Variants in COL7A1 observed in about 807,000 individuals in gnomAD.
COL7A1 encodes collagen alpha-1(VII) chain.
Under a neutral mutation model 456.2 loss-of-function variants are expected in COL7A1, and 296 were observed. The observed-to-expected ratio is 0.65, with a 90% CI of 0.59 to 0.71. The LOEUF (loss-of-function observed/expected upper bound fraction) is 0.71, where lower values mean the gene tolerates loss of function less well. Among genes scored for constraint, COL7A1 ranks in the 30% least tolerant of loss-of-function variants. COL7A1 has a pLI of 0.00. For synonymous variants in COL7A1, 1,464 were observed against 1,525.9 expected (o/e 0.96, Z 0.95); for missense variants, 3,441 against 4,017.2 (o/e 0.86, Z 3.88).
rs1442543217 is a variant in COL7A1, at chr3:48,570,631, C to T, written c.7344+8G>A. The T allele has an allele frequency of 6.2e-7, 1 of 1,606,452 alleles. No homozygotes were observed. The highest frequency in any genetic ancestry group is 8.5e-7 in the Non-Finnish European group (1 of 1,176,094). ...AAATACGTGGGGCTTTAGGGCACCT[C>T]TACTCACCACTGACCCCGGTGGTCC... On this transcript the variant is annotated splice_region_variant and intron_variant, in intron 96 of 118. Transcript: ENST00000681320. The surrounding 1 kb of genome is among the most constrained non-coding windows in gnomAD (Gnocchi z 5.5).
Position 48,586,460 on chromosome 3 carries a change from G to A in COL7A1, c.3422C>T (p.Ala1141Val). ...GNNLGTAVVT[A>V]HRYMLAPDAP... is the part of the protein sequence containing the mutation. ...ATCTGGTGCCAACATGTATCTGTGAGCTGTGACCACGGCTGTGCCTGGAAG... is the reference window on the plus strand; with the variant it reads ...ATCTGGTGCCAACATGTATCTGTGAACTGTGACCACGGCTGTGCCTGGAAG... Residue 1141 changes from alanine (A) to valine (V), a missense_variant, in exon 27 of 119, where the codon GCT (alanine) becomes GTT (valine). Transcript: ENST00000681320. This position sits in a 1 kb window ranked among gnomAD's most constrained non-coding sequence, Gnocchi z 5.1. 3 of 1,613,816 alleles carry A rather than the reference G, an allele frequency of 1.9e-6. No individual in the cohort carries two copies. The highest frequency in any genetic ancestry group is 2.5e-6 in the Non-Finnish European group (3 of 1,180,026).
chr3:48,589,193 A>G (rs2045514763), intron 18 of COL7A1, 134 bp downstream of exon 18: 5 of 1,466,324 alleles, frequency 3.4e-6, no homozygotes, highest in Non-Finnish European at 4.7e-6. Context: ...TGGACACTTA[A>G]TCAGTGTGGG....
At position 48,592,531 on chromosome 3, in the gene COL7A1, G is replaced by T; in HGVS notation, c.976+39C>A. On this transcript the variant is annotated intron_variant, in intron 8 of 118. Transcript: ENST00000681320. This position sits in a 1 kb window ranked among gnomAD's most constrained non-coding sequence, Gnocchi z 7.6. ...GTGGGAGGGGGTACTGGGGTCGGGG[G>T]TTAGGTGAATGGGGTCAGAGGCTGG... The T allele has an allele frequency of 6.2e-7, 1 of 1,613,618 alleles. No homozygotes were observed. The highest frequency in any genetic ancestry group is 8.5e-7 in the Non-Finnish European group (1 of 1,179,974).
Position 48,579,932 on chromosome 3 carries a change from G to T in COL7A1, c.5124+99C>A. On this transcript the variant is annotated intron_variant, in intron 57 of 118. Transcript: ENST00000681320. This position sits in a 1 kb window ranked among gnomAD's most constrained non-coding sequence, Gnocchi z 4.4. Reference sequence around the variant, plus strand: ...CGCGGAGGTTTCAGAGGGACAGTGGGGGAAGTGGGAGTTAGTGGAAGGAAT... The same window carrying T: ...CGCGGAGGTTTCAGAGGGACAGTGGTGGAAGTGGGAGTTAGTGGAAGGAAT... 1 of 1,605,872 alleles carries T rather than the reference G, an allele frequency of 6.2e-7. No individual in the cohort carries two copies. The highest frequency in any genetic ancestry group is 8.5e-7 in the Non-Finnish European group (1 of 1,172,582).
At position 48,574,777 on chromosome 3, in the gene COL7A1, A is replaced by T; in HGVS notation, c.6348+20T>A. On this transcript the variant is annotated intron_variant, in intron 77 of 118. Coordinates refer to ENST00000681320, the MANE Select transcript of COL7A1 (RefSeq NM_000094.4). The surrounding 1 kb of genome is among the most constrained non-coding windows in gnomAD (Gnocchi z 5.0). ...AGTGCCATGGCAGAGGGTGGCCCCG[A>T]GCTGATTCCACACACTGACCTTAGC... is the stretch of plus-strand genomic sequence containing the variant. 6.2e-7 allele frequency: 1 copy of T among 1,613,944 alleles called. No individual in the cohort carries two copies. The highest frequency in any genetic ancestry group is 1.1e-5 in the South Asian group (1 of 91,088).
chr3:48,575,066 T>C lies in COL7A1; in HGVS notation c.6277A>G (p.Lys2093Glu). ...TAAGGCAGGGATGGGGTGATCACCT[T>C]GGGGCCAGGGGGTCCGGGGGGCCCA... ...TPGPPGPPGP[K>E]VSVDEPGPGL... The change falls in exon 76 of 119, where the codon AAG becomes GAG. Residue 2093 changes from lysine to glutamate, a missense_variant and splice_region_variant. This residue lies in a region of COL7A1 where 2,084 missense variants were observed against 2,501.3 expected (regional missense o/e 0.83). Transcript: ENST00000681320. The surrounding 1 kb of genome is among the most constrained non-coding windows in gnomAD (Gnocchi z 6.3). The C allele has an allele frequency of 6.2e-7, 1 of 1,612,306 alleles. No homozygotes were observed. The highest frequency in any genetic ancestry group is 2.2e-5 in the East Asian group (1 of 44,846).
chr3:48,567,133 C>T lies in COL7A1; in HGVS notation c.8104G>A (p.Glu2702Lys). 2 of 1,614,058 alleles carry T rather than the reference C, an allele frequency of 1.2e-6. No individual in the cohort carries two copies. Among genetic ancestry groups the T allele is most frequent in the Middle Eastern group, 1.6e-4 (1 of 6,062 alleles). Residue 2702 changes from glutamate (E) to lysine (K), a missense_variant, in exon 110 of 119, where the codon GAG becomes AAG. Coordinates refer to ENST00000681320, the MANE Select transcript of COL7A1 (RefSeq NM_000094.4). The surrounding 1 kb of genome is among the most constrained non-coding windows in gnomAD (Gnocchi z 4.3). ...GPKGDQGEKG[E>K]RGTPGIGGFP... ...TGACCATGGCTTCAACTCACCCGCTCCCCTTTCTCGCCCTGGTCACCCTTG... is the reference window on the plus strand; with the variant it reads ...TGACCATGGCTTCAACTCACCCGCTTCCCTTTCTCGCCCTGGTCACCCTTG...
chr3:48,595,136 G>A lies in COL7A1; in HGVS notation c.24C>T (p.Ala8=), dbSNP rs1205884066. The change falls in exon 2 of 119, where the codon GCC becomes GCT. Residue 8 remains alanine (A), a synonymous_variant. Transcript: ENST00000681320. ...CTGCCAGGATCCCGGCGCAGAGCGC[G>A]GCCACCAGAAGCCGCAGCGTCATCC... MTLRLLV[A]ALCAGILAEA... is the part of the protein sequence containing the mutation. The A allele has an allele frequency of 1.9e-6, 3 of 1,553,330 alleles. No individual in the cohort carries two copies. Among genetic ancestry groups the A allele is most frequent in the African/African-American group, 1.4e-5 (1 of 73,216 alleles).
rs745627185 is a variant in COL7A1 at position 48,587,575 on chromosome 3, C to G, written c.2858-21G>C. On this transcript the variant is annotated intron_variant, in intron 22 of 118. Coordinates refer to ENST00000681320, the MANE Select transcript of COL7A1 (RefSeq NM_000094.4). The surrounding 1 kb of genome is among the most constrained non-coding windows in gnomAD (Gnocchi z 6.1). Reference sequence around the variant, plus strand: ...TGACTCTGAAGGAGGAATGAAAGATCGAGGATCAGAGGCTGAGTCCTGAGA... The same window carrying G: ...TGACTCTGAAGGAGGAATGAAAGATGGAGGATCAGAGGCTGAGTCCTGAGA... 1.9e-6 allele frequency: 3 copies of G among 1,613,352 alleles called. No individual in the cohort carries two copies. Among genetic ancestry groups the G allele is most frequent in the Non-Finnish European group, 2.5e-6 (3 of 1,180,006 alleles).
chr3:48,588,829 T>A lies in COL7A1; in HGVS notation c.2440+41A>T. ...TACAGCAATGGTTAGGGGTGAGCAGTCCCAGCCAGGAAGGACAGGGGTGGC... is the reference window on the plus strand; with the variant it reads ...TACAGCAATGGTTAGGGGTGAGCAGACCCAGCCAGGAAGGACAGGGGTGGC... On this transcript the variant is annotated intron_variant, in intron 19 of 118. Coordinates refer to ENST00000681320, the MANE Select transcript of COL7A1 (RefSeq NM_000094.4). The surrounding 1 kb of genome is among the most constrained non-coding windows in gnomAD (Gnocchi z 4.6). 6.2e-7 allele frequency: 1 copy of A among 1,613,486 alleles called. No homozygotes were observed.
chr3:48,565,375 A>C lies in COL7A1; in HGVS notation c.8527+35T>G, dbSNP rs764599739. On this transcript the variant is annotated intron_variant, in intron 116 of 118. Coordinates refer to ENST00000681320, the MANE Select transcript of COL7A1 (RefSeq NM_000094.4). The surrounding 1 kb of genome is among the most constrained non-coding windows in gnomAD (Gnocchi z 4.5). Reference sequence around the variant, plus strand: ...ACACCCATGTGCGTGTCTCGGCCCCACCCATAGCTGCCCCACGGGTTCAGC... The same window carrying C: ...ACACCCATGTGCGTGTCTCGGCCCCCCCCATAGCTGCCCCACGGGTTCAGC... The C allele has an allele frequency of 1.3e-5, 21 of 1,580,256 alleles. No individual in the cohort carries two copies. In the Admixed American group the frequency reaches 3.9e-4, roughly 29 times the overall value.
chr3:48,588,977 C>G lies in COL7A1; in HGVS notation c.2333G>C (p.Arg778Pro), dbSNP rs377140103. 7.4e-6 allele frequency: 12 copies of G among 1,613,486 alleles called. No individual in the cohort carries two copies. The African/African-American group carries it at 1.2e-4, about 16-fold the overall frequency. The change falls in exon 19 of 119, where the codon CGT becomes CCT. Residue 778 changes from arginine to proline, a missense_variant. Transcript: ENST00000681320. This position sits in a 1 kb window ranked among gnomAD's most constrained non-coding sequence, Gnocchi z 4.6. ...ATTGAGGATCTGCAGCCTCGACACA[C>G]GACCCACAGGCTCAGGGGCTGGGGA... is the stretch of plus-strand genomic sequence containing the variant. ...VVRTAPEPVG[R>P]VSRLQILNAS...
In COL7A1 at chr3:48,592,854, C is replaced by T. The variant is rs755574496; in HGVS notation, c.767G>A (p.Ser256Asn). 3 of 1,613,984 alleles carry T rather than the reference C, an allele frequency of 1.9e-6. No homozygotes were observed. The highest frequency in any genetic ancestry group is 1.7e-6 in the Non-Finnish European group (2 of 1,180,038). Residue 256 changes from serine (S) to asparagine (N), a missense_variant, in exon 7 of 119, where the codon AGT becomes AAT. Physicochemically the swap from Ser to Asn is conservative, Grantham distance 46. Transcript: ENST00000681320. This position sits in a 1 kb window ranked among gnomAD's most constrained non-coding sequence, Gnocchi z 7.6. Reference sequence around the variant, plus strand: ...GACCTTGTAGCCAGTCACAGGGCCACTGGCCGCTGTCCACTGTACTCTCAA... The same window carrying T: ...GACCTTGTAGCCAGTCACAGGGCCATTGGCCGCTGTCCACTGTACTCTCAA... Reference protein sequence around the residue: ...QSLRVQWTAASGPVTGYKVQY... With the variant: ...QSLRVQWTAANGPVTGYKVQY...
chr3:48,564,597 G>A lies in COL7A1; in HGVS notation c.8819-175C>T, dbSNP rs1021070431. On this transcript the variant is annotated intron_variant, in intron 118 of 118. Coordinates refer to ENST00000681320, the MANE Select transcript of COL7A1 (RefSeq NM_000094.4). The surrounding 1 kb of genome is among the most constrained non-coding windows in gnomAD (Gnocchi z 6.0). ...AGGGAACATGGAAGGGGACCCTACT[G>A]GGGGCTCCACGGCTGGGGCTCTATA... is the stretch of plus-strand genomic sequence containing the variant. The A allele has an allele frequency of 2.0e-6, 2 of 1,024,748 alleles. No homozygotes were observed. Among genetic ancestry groups the A allele is most frequent in the Non-Finnish European group, 2.9e-6 (2 of 683,038 alleles). The allele number at this position is 1,024,748 out of a possible 1,614,324, so 63.5% of individuals were successfully genotyped here.
In COL7A1 at chr3:48,585,047, GGGCTCCAGGGGTCCCAGGATTCCC is replaced by G. The variant is rs1451652011; in HGVS notation, c.3940_3963del (p.Gly1314_Ala1321del). On this transcript the variant is annotated inframe_deletion, in exon 33 of 119. Coordinates refer to ENST00000681320, the MANE Select transcript of COL7A1 (RefSeq NM_000094.4). The surrounding 1 kb of genome is among the most constrained non-coding windows in gnomAD (Gnocchi z 4.5). ...CAAGGCTTGCTCACCTTTAGGCCAG[GGGCTCCAGGGGTCCCAGGATTCCC>G]GGCGCGGCCAGGGCTGCCTGGACGC... is the stretch of plus-strand genomic sequence containing the variant. 3.1e-6 allele frequency: 5 copies of G among 1,612,948 alleles called. No homozygotes were observed. Among genetic ancestry groups the G allele is most frequent in the African/African-American group, 1.3e-5 (1 of 74,898 alleles).
Position 48,588,592 on chromosome 3 carries a change from A to G in COL7A1, c.2587+50T>C, listed in dbSNP as rs768328282. The G allele has an allele frequency of 7.4e-6, 12 of 1,613,470 alleles. No individual in the cohort carries two copies. The East Asian group carries it at 2.5e-4, about 33-fold the overall frequency. On this transcript the variant is annotated intron_variant, in intron 20 of 118. Coordinates refer to ENST00000681320, the MANE Select transcript of COL7A1 (RefSeq NM_000094.4). The surrounding 1 kb of genome is among the most constrained non-coding windows in gnomAD (Gnocchi z 4.6). ...ATCCAGAGCACAAGCCCGGATCCCCAAACCATCCACACCACCCATCCGAAG... is the reference window on the plus strand; with the variant it reads ...ATCCAGAGCACAAGCCCGGATCCCCGAACCATCCACACCACCCATCCGAAG...
rs377140103 is a variant in COL7A1, at chr3:48,588,977, C to T, written c.2333G>A (p.Arg778His). 6.0e-5 allele frequency: 97 copies of T among 1,613,370 alleles called. No individual in the cohort carries two copies. Among genetic ancestry groups the T allele is most frequent in the Non-Finnish European group, 6.4e-5 (75 of 1,180,040 alleles). Residue 778 changes from arginine (R) to histidine (H), a missense_variant, in exon 19 of 119, where the codon CGT becomes CAT. Transcript: ENST00000681320. This position sits in a 1 kb window ranked among gnomAD's most constrained non-coding sequence, Gnocchi z 4.6. Reference protein sequence around the residue: ...VVRTAPEPVGRVSRLQILNAS... With the variant: ...VVRTAPEPVGHVSRLQILNAS... ...ATTGAGGATCTGCAGCCTCGACACA[C>T]GACCCACAGGCTCAGGGGCTGGGGA...
At position 48,571,811 on chromosome 3, in the gene COL7A1, GC is replaced by G; in HGVS notation, c.7068+189del. ...ATGGGCACACAGAAGCCAAGACAGG[GC>G]CCCCAGAGCTCAGAGTGTGGAAGCC... On this transcript the variant is annotated intron_variant, in intron 92 of 118. Transcript: ENST00000681320. This position sits in a 1 kb window ranked among gnomAD's most constrained non-coding sequence, Gnocchi z 4.6. 1.4e-6 allele frequency: 1 copy of G among 701,602 alleles called. No homozygotes were observed. The allele number at this position is 701,602 out of a possible 1,614,324, so 43.5% of individuals were successfully genotyped here.
rs1160658408 is a variant in COL7A1 at position 48,575,339 on chromosome 3, C to T, written c.6180G>A (p.Arg2060=). 6.2e-7 allele frequency: 1 copy of T among 1,613,358 alleles called. No individual in the cohort carries two copies. The change falls in exon 74 of 119, where the codon AGG becomes AGA. Residue 2060 remains arginine (R), a splice_region_variant and synonymous_variant. Coordinates refer to ENST00000681320, the MANE Select transcript of COL7A1 (RefSeq NM_000094.4). This position sits in a 1 kb window ranked among gnomAD's most constrained non-coding sequence, Gnocchi z 6.3. ...GVGEAGRPGE[R]GERGEKGERG... ...TCTCCTGGCCAGCCCCCAGCCTCACCCTCTCTCCTGGCCTTCCTGCCTCTC... is the reference window on the plus strand; with the variant it reads ...TCTCCTGGCCAGCCCCCAGCCTCACTCTCTCTCCTGGCCTTCCTGCCTCTC...
Sources: gnomAD v4.1 joint callset for allele counts on GRCh38, gnomAD v4.1.1 for gene constraint, gnomAD v4.1.1 regional missense constraint, Gnocchi (gnomAD v3.1) non-coding constraint, MANE v1.5 for transcripts, NCBI Gene and HGNC (gene_info 2026-07-23, HGNC 2026-07-21) for gene names.